The following ZNF573 variants were observed in gnomAD, a reference collection of about 807,000 sequenced individuals.
ZNF573 encodes the protein zinc finger protein 573.
Under a neutral mutation model 57.4 loss-of-function variants are expected in ZNF573, and 41 were observed. The ratio of observed to expected loss-of-function variants is 0.71; its 90% CI spans 0.56 to 0.93. The LOEUF (loss-of-function observed/expected upper bound fraction) is 0.93, where lower values mean the gene tolerates loss of function less well. Among genes scored for constraint, ZNF573 ranks in the 40% least tolerant of loss-of-function variants. ZNF573 has a pLI of 0.00. For missense variants in ZNF573, 730 were observed against 794.8 expected, an observed-to-expected ratio of 0.92 and a Z score of 0.98; for synonymous variants, 249 against 261.0, an observed-to-expected ratio of 0.95 and a Z score of 0.44.
rs1192041343 is a variant in ZNF573 at position 37,740,617 on chromosome 19, C to T, written c.296-423G>A. ...ACTGTTCTTAAAATAAAATACAAAT[C>T]CCTTTCCAAGGACTGCTGCTTACCT... On this transcript the variant is annotated intron_variant, in intron 4 of 4. Coordinates refer to ENST00000536220, the MANE Select transcript of ZNF573 (RefSeq NM_001172690.2). 3 of 456,172 alleles carry T rather than the reference C, an allele frequency of 6.6e-6. No individual in the cohort carries two copies. In the Admixed American group the frequency reaches 7.1e-5, roughly 11 times the overall value. The allele number at this position is 456,172 out of a possible 1,614,324, so 28.3% of individuals were successfully genotyped here.
At chr19:37,762,948 T>A (rs1241341077) in intron 4 of ZNF573, among the ~76,000 whole-genome samples, 1 of 151,930 alleles carries the variant, frequency 6.6e-6, no homozygotes, top group Non-Finnish European at 1.5e-5. Flanking sequence ...ATTTTTTATG[T>A]TTTTGGTAGA....
chr19:37,741,987 C>T (rs1273547834), intron 4 of ZNF573, among the ~76,000 whole-genome samples: 2 of 152,112 alleles, frequency 1.3e-5, no homozygotes, highest in Non-Finnish European at 2.9e-5. Flanking sequence ...TCTCAGGGTA[C>T]AAAATCAATG....
chr19:37,754,276 C>T (rs1045758201), intron 4 of ZNF573, among the ~76,000 whole-genome samples: 1 of 152,052 alleles, frequency 6.6e-6, no homozygotes, highest in African/African-American at 2.4e-5. Flanking sequence ...AATCCCAGCA[C>T]TTTGGGAGGC....
At chr19:37,742,599 G>C (rs12975895) in intron 4 of ZNF573, among the ~76,000 whole-genome samples, 29,729 of 152,152 alleles carry the variant, frequency 0.2, 3,005 homozygotes, top group Non-Finnish European at 0.21. Flanking sequence ...CTCAGTAAAT[G>C]GTGCTGGGAA....
intron 4 of ZNF573, among the ~76,000 whole-genome samples, chr19:37,741,722 T>C (rs1329983778): frequency 6.6e-6 from 1 of 152,134 alleles, no homozygotes; most frequent in African/African-American, 2.4e-5. Flanking sequence ...TGATATCATA[T>C]TGAATGGGCA....
At chr19:37,748,910 G>A (rs899419127) in intron 4 of ZNF573, among the ~76,000 whole-genome samples, 1 of 114,704 alleles carries the variant, frequency 8.7e-6, no homozygotes, top group African/African-American at 3.4e-5. Context: ...CTGGGCGACA[G>A]AGCAAGACTT....
intron 3 of ZNF573, among the ~76,000 whole-genome samples, chr19:37,770,837 T>TATATATATATATATATAC (rs1266609615): frequency 4.1e-5 from 1 of 24,612 alleles, no homozygotes; most frequent in African/African-American, 9.8e-5. Flanking sequence ...TTATTTTATA[T>TATATATATATATATATAC]ATATATATAT....
At chr19:37,759,184 G>A in intron 4 of ZNF573, 2 of 596,536 alleles carry the variant, frequency 3.4e-6, no homozygotes, top group Non-Finnish European at 4.2e-6. Context: ...ACACAATATA[G>A]AAGTATATAA....
chr19:37,761,625 C>T (rs925869635), intron 4 of ZNF573, among the ~76,000 whole-genome samples: 1 of 152,282 alleles, frequency 6.6e-6, no homozygotes, highest in Admixed American at 6.5e-5. Flanking sequence ...CAGAGAGTGT[C>T]CCCCATTCCG....
At chr19:37,749,111 A>G (rs1343417915) in intron 4 of ZNF573, among the ~76,000 whole-genome samples, 3 of 152,058 alleles carry the variant, frequency 2.0e-5, no homozygotes, top group Non-Finnish European at 4.4e-5. Flanking sequence ...GAATGTCTTT[A>G]TTCTTAGGAG....
At chr19:37,774,755 A>C (rs1385499992) in intron 1 of ZNF573, among the ~76,000 whole-genome samples, 3 of 152,218 alleles carry the variant, frequency 2.0e-5, no homozygotes, top group Non-Finnish European at 2.9e-5. Context: ...ACATCAATAC[A>C]TTGAGAAAGT....
chr19:37,771,828 T>C, intron 2 of ZNF573, 132 bp from the exon 3 acceptor site: 3 of 843,796 alleles, frequency 3.6e-6, no homozygotes, highest in Non-Finnish European at 3.5e-6. Flanking sequence ...TAAAGCAACG[T>C]GTCTACATAT....
chr19:37,772,773 A>T (rs1049940164), intron 2 of ZNF573, among the ~76,000 whole-genome samples: 1 of 151,856 alleles, frequency 6.6e-6, no homozygotes, highest in African/African-American at 2.4e-5. Context: ...AACTGGGACT[A>T]CAGGGGCAAG....
chr19:37,770,122 G>A (rs554953077), intron 3 of ZNF573, 25 bp from the exon 4 acceptor site: 14 of 1,498,362 alleles, frequency 9.3e-6, no homozygotes, highest in East Asian at 2.5e-5. Flanking sequence ...AATGCCACAT[G>A]GTATAAAAAT....
intron 1 of ZNF573, among the ~76,000 whole-genome samples, chr19:37,778,023 T>TG (rs1440562845): frequency 2.5e-5 from 1 of 39,274 alleles, no homozygotes; most frequent in Non-Finnish European, 5.3e-5. Flanking sequence ...AGACTCTGTC[T>TG]CAAAAAAAAA....
rs763884346 is a variant in ZNF573 at position 37,738,655 on chromosome 19, C to T, written c.1835G>A (p.Cys612Tyr). Residue 612 changes from cysteine to tyrosine, a missense_variant, in exon 5 of 5, where the codon TGT becomes TAT. Cys to Tyr is a radical substitution (Grantham distance 194). Coordinates refer to ENST00000536220, the MANE Select transcript of ZNF573 (RefSeq NM_001172690.2). ...ACTGAAGGCCTTCCCACATTCTTTACATTCATAAGGTTTTCCACCAGTATG... is the reference window on the plus strand; with the variant it reads ...ACTGAAGGCCTTCCCACATTCTTTATATTCATAAGGTTTTCCACCAGTATG... ...KIHTGGKPYECKECGKAFSRA... is the reference protein window; with the variant it reads ...KIHTGGKPYEYKECGKAFSRA... The T allele has an allele frequency of 6.2e-7, 1 of 1,611,286 alleles. No individual in the cohort carries two copies. The highest frequency in any genetic ancestry group is 2.2e-5 in the East Asian group (1 of 44,846).
At chr19:37,745,993 C>T (rs1185932144) in intron 4 of ZNF573, among the ~76,000 whole-genome samples, 1 of 152,146 alleles carries the variant, frequency 6.6e-6, no homozygotes, top group Non-Finnish European at 1.5e-5. Context: ...TTCCTAAAAA[C>T]TGACCATATA....
At chr19:37,762,740 C>T (rs1216940962) in intron 4 of ZNF573, among the ~76,000 whole-genome samples, 5 of 151,734 alleles carry the variant, frequency 3.3e-5, no homozygotes, top group African/African-American at 1.2e-4. Flanking sequence ...AAAGAATCCT[C>T]ACACCAGATA....
rs1041133118 is a variant in ZNF573 at position 37,745,985 on chromosome 19, C to G, written c.296-5791G>C. On this transcript the variant is annotated intron_variant, in intron 4 of 4. Coordinates refer to ENST00000536220, the MANE Select transcript of ZNF573 (RefSeq NM_001172690.2). The stretch of plus-strand genomic sequence containing the variant: ...ACCTTCCAGTCACACACAGATTGTT[C>G]CTAAAAACTGACCATATACTGGGCT... 3.3e-5 allele frequency among the ~76,000 whole-genome samples: 5 copies of G among 152,224 alleles called. No individual in the cohort carries two copies. The East Asian group carries it at 7.7e-4, about 24-fold the overall frequency.
Sources: gnomAD v4.1 joint callset for allele counts (sites outside exome capture counted in the v4.1 genomes callset) on GRCh38, gnomAD v4.1.1 for gene constraint, MANE v1.5 for transcripts, NCBI Gene and HGNC (gene_info 2026-07-23, HGNC 2026-07-21) for gene names.